Variants in PRADC1 observed in about 807,000 individuals in gnomAD.
PRADC1 encodes the protein protease associated domain containing 1, also known as protease-associated domain-containing protein 1.
PRADC1 carries 23 observed loss-of-function variants against 22.9 expected under a neutral mutation model. That is an observed-to-expected ratio of 1.00 (90% CI 0.72 to 1.42). PRADC1 has a LOEUF of 1.42. PRADC1 is among the 40% of genes most tolerant of loss of function. The pLI, the probability that PRADC1 is intolerant of heterozygous loss-of-function variation, is 0.00. For synonymous variants in PRADC1, 71 were observed against 100.3 expected (o/e 0.71, Z 1.75); for missense variants, 207 against 258.3 (o/e 0.80, Z 1.36).
intron 1 of PRADC1, 96 bp from the exon 2 acceptor site, chr2:73,230,309 T>C (rs913782468): frequency 1.6e-5 from 15 of 912,600 alleles, no homozygotes; most frequent in Non-Finnish European, 2.4e-5. Context: ...CTGGCTATAG[T>C]CTGGGCTCAG....
In PRADC1 at chr2:73,228,239, T is replaced by C; in HGVS notation, c.*215A>G. On this transcript the variant is annotated 3_prime_UTR_variant, in exon 5 of 5. Coordinates refer to ENST00000258083, the MANE Select transcript of PRADC1 (RefSeq NM_032319.3). This position sits in a 1 kb window ranked among gnomAD's most constrained non-coding sequence, Gnocchi z 4.0. ...GCCAGAAGCCCTGGGGCCTGTCTCT[T>C]GCCTCTTCTTGTAGCATGAGACACC... is the stretch of plus-strand genomic sequence containing the variant. 1 of 582,208 alleles carries C rather than the reference T, an allele frequency of 1.7e-6. No homozygotes were observed. Among genetic ancestry groups the C allele is most frequent in the South Asian group, 2.1e-5 (1 of 47,912 alleles). The allele number at this position is 582,208 out of a possible 1,614,324, so 36.1% of individuals were successfully genotyped here.
chr2:73,228,792 C>T lies in PRADC1; in HGVS notation c.446+3G>A. 6.2e-7 allele frequency: 1 copy of T among 1,610,602 alleles called. No homozygotes were observed. Among genetic ancestry groups the T allele is most frequent in the Non-Finnish European group, 8.5e-7 (1 of 1,177,804 alleles). On this transcript the variant is annotated splice_donor_region_variant and intron_variant, in intron 4 of 4. Transcript: ENST00000258083. This position sits in a 1 kb window ranked among gnomAD's most constrained non-coding sequence, Gnocchi z 4.0. ...GATAAAGCCAGAGGCAAGGAGCCCT[C>T]ACCCGTCTCGGCCGAGCAGGAAGAG...
chr2:73,232,979 G>A (rs1686691771), intron 1 of PRADC1, 115 bp downstream of exon 1: 3 of 1,263,028 alleles, frequency 2.4e-6, no homozygotes, highest in Non-Finnish European at 3.2e-6. Flanking sequence ...TCCCAGACCT[G>A]TCCTGCTCTG....
intron 1 of PRADC1, 76 bp downstream of exon 1, chr2:73,233,018 G>C: frequency 1.3e-6 from 2 of 1,489,444 alleles, no homozygotes; most frequent in Admixed American, 2.1e-5. Context: ...GGTGACCCTT[G>C]GCCCCCAACC....
chr2:73,229,943 CAG>C (rs1391009146), intron 2 of PRADC1, 168 bp downstream of exon 2: 17 of 616,540 alleles, frequency 2.8e-5, no homozygotes, highest in East Asian at 1.1e-4. Context: ...ATATTATACT[CAG>C]GGGAGTAGCT....
At chr2:73,232,423 G>A (rs950276594) in intron 1 of PRADC1, among the ~76,000 whole-genome samples, 3 of 152,154 alleles carry the variant, frequency 2.0e-5, no homozygotes, top group African/African-American at 7.2e-5. Context: ...GTGTACCAAG[G>A]ATGGCATTAA....
chr2:73,229,397 C>G, intron 3 of PRADC1, 64 bp downstream of exon 3: 10 of 1,086,450 alleles, frequency 9.2e-6, no homozygotes, highest in Non-Finnish European at 1.1e-5. Context: ...AGCACTACTA[C>G]CAATAATCTC....
intron 1 of PRADC1, among the ~76,000 whole-genome samples, chr2:73,230,990 T>A (rs1371744764): frequency 6.6e-6 from 1 of 152,274 alleles, no homozygotes; most frequent in East Asian, 1.9e-4. Context: ...ATCCTTCAGG[T>A]CACACCTTAA....
intron 1 of PRADC1, among the ~76,000 whole-genome samples, chr2:73,232,820 C>G (rs1686685775): frequency 6.6e-6 from 1 of 152,156 alleles, no homozygotes. Flanking sequence ...CTGGTCGCAC[C>G]CTAAGTCACC....
intron 1 of PRADC1, among the ~76,000 whole-genome samples, chr2:73,230,531 T>C (rs949225649): frequency 7.9e-5 from 12 of 152,266 alleles, no homozygotes; most frequent in African/African-American, 2.9e-4. Flanking sequence ...AGAGATGTAG[T>C]GGCCTGCGTA....
At chr2:73,231,735 G>A (rs1046765813) in intron 1 of PRADC1, among the ~76,000 whole-genome samples, 1 of 152,064 alleles carries the variant, frequency 6.6e-6, no homozygotes, top group Admixed American at 6.5e-5. Context: ...GATTACAGGC[G>A]TGAGCCACCG....
intron 3 of PRADC1, 30 bp downstream of exon 3, chr2:73,229,431 C>G (rs748653209): frequency 4.1e-6 from 6 of 1,464,102 alleles, no homozygotes. Flanking sequence ...TGCCTGCCCA[C>G]TCCTCGTGTC....
At chr2:73,229,352 T>G (rs1686583403) in intron 3 of PRADC1, 109 bp downstream of exon 3, 1 of 835,906 alleles carries the variant, frequency 1.2e-6, no homozygotes, top group African/African-American at 1.7e-5. Flanking sequence ...TAAAGACGCT[T>G]AAAAAGATGA....
chr2:73,228,244 C>G lies in PRADC1; in HGVS notation c.*210G>C, dbSNP rs1408835567. ...AAGCCCTGGGGCCTGTCTCTTGCCT[C>G]TTCTTGTAGCATGAGACACCCTTGG... On this transcript the variant is annotated 3_prime_UTR_variant, in exon 5 of 5. Transcript: ENST00000258083. This position sits in a 1 kb window ranked among gnomAD's most constrained non-coding sequence, Gnocchi z 4.0. 3.3e-6 allele frequency: 2 copies of G among 597,150 alleles called. No homozygotes were observed. The highest frequency in any genetic ancestry group is 5.8e-6 in the Non-Finnish European group (2 of 346,174). The allele number at this position is 597,150 out of a possible 1,614,324, so 37.0% of individuals were successfully genotyped here. A position where few individuals can be genotyped will look rare whatever the true frequency, so the allele number is the denominator to read the frequency against.
Position 73,228,975 on chromosome 2 carries a change from G to T in PRADC1, c.279-13C>A. On this transcript the variant is annotated splice_polypyrimidine_tract_variant and intron_variant, in intron 3 of 4. Coordinates refer to ENST00000258083, the MANE Select transcript of PRADC1 (RefSeq NM_032319.3). This position sits in a 1 kb window ranked among gnomAD's most constrained non-coding sequence, Gnocchi z 4.0. ...GAAGGAGCAGCCCCTGGAAGAGGTGGTGATAAGACCAAAGGAAAGACAGGT... is the reference window on the plus strand; with the variant it reads ...GAAGGAGCAGCCCCTGGAAGAGGTGTTGATAAGACCAAAGGAAAGACAGGT... 1 of 1,613,100 alleles carries T rather than the reference G, an allele frequency of 6.2e-7. No individual in the cohort carries two copies. The highest frequency in any genetic ancestry group is 8.5e-7 in the Non-Finnish European group (1 of 1,179,760).
chr2:73,229,870 C>T, intron 2 of PRADC1: 1 of 586,304 alleles, frequency 1.7e-6, no homozygotes. Context: ...GAAGCTGGTG[C>T]TCTTGGCTTT....
chr2:73,228,161 TCA>T lies in PRADC1; in HGVS notation c.*291_*292del, dbSNP rs1686551658. 1 of 412,250 alleles carries T rather than the reference TCA, an allele frequency of 2.4e-6. No homozygotes were observed. Among genetic ancestry groups the T allele is most frequent in the East Asian group, 4.7e-5 (1 of 21,298 alleles). 25.5% of individuals were successfully genotyped at this position (412,250 alleles called of 1,614,324 possible). A position where few individuals can be genotyped will look rare whatever the true frequency, so the allele number is the denominator to read the frequency against. On this transcript the variant is annotated 3_prime_UTR_variant, in exon 5 of 5. Coordinates refer to ENST00000258083, the MANE Select transcript of PRADC1 (RefSeq NM_032319.3). The surrounding 1 kb of genome is among the most constrained non-coding windows in gnomAD (Gnocchi z 4.0). ...GCTGGAGCCAGGTGAGTGTGACAGG[TCA>T]CAGATGGCTCTCAGGCCACCTGCCT...
In PRADC1 at chr2:73,228,514, T is replaced by C; in HGVS notation, c.507A>G (p.Pro169=). Residue 169 remains proline, a synonymous_variant, in exon 5 of 5, where the codon CCA becomes CCG. Coordinates refer to ENST00000258083, the MANE Select transcript of PRADC1 (RefSeq NM_032319.3). The surrounding 1 kb of genome is among the most constrained non-coding windows in gnomAD (Gnocchi z 4.0). ...HGLPWAIISI[P]VNVTSIPTFE... is the part of the protein sequence containing the mutation. Reference sequence around the variant, plus strand: ...AGGTGGGGATGCTGGTGACATTGACTGGGATGGAAATGATGGCCCATGGCA... The same window carrying C: ...AGGTGGGGATGCTGGTGACATTGACCGGGATGGAAATGATGGCCCATGGCA... 2 of 1,614,188 alleles carry C rather than the reference T, an allele frequency of 1.2e-6. No homozygotes were observed. Among genetic ancestry groups the C allele is most frequent in the South Asian group, 2.2e-5 (2 of 91,084 alleles).
chr2:73,229,067 T>C lies in PRADC1; in HGVS notation c.279-105A>G, dbSNP rs1029491447. On this transcript the variant is annotated intron_variant, in intron 3 of 4. Coordinates refer to ENST00000258083, the MANE Select transcript of PRADC1 (RefSeq NM_032319.3). ...AAGGCAGACTATGAAGAATCTGTTA[T>C]AAAGGCTCATAAGTAAATAGCTAAA... 1.2e-5 allele frequency: 12 copies of C among 961,256 alleles called. No individual in the cohort carries two copies. The Admixed American group carries it at 1.4e-4, about 11-fold the overall frequency. 59.5% of individuals were successfully genotyped at this position (961,256 alleles called of 1,614,324 possible). A position where few individuals can be genotyped will look rare whatever the true frequency, so the allele number is the denominator to read the frequency against.
Sources: gnomAD v4.1 joint callset for allele counts (sites outside exome capture counted in the v4.1 genomes callset) on GRCh38, gnomAD v4.1.1 for gene constraint, Gnocchi (gnomAD v3.1) non-coding constraint, MANE v1.5 for transcripts, NCBI Gene and HGNC (gene_info 2026-07-23, HGNC 2026-07-21) for gene names.